The following ABCA13 variants were observed in gnomAD, a reference collection of about 807,000 sequenced individuals.
ABCA13 encodes the protein ATP binding cassette subfamily A member 13, also known as ATP-binding cassette sub-family A member 13.
A neutral mutation model predicts 478.7 loss-of-function variants in ABCA13; 476 were observed. That is an observed-to-expected ratio of 0.99 (90% confidence interval 0.92 to 1.07). The LOEUF (loss-of-function observed/expected upper bound fraction) is 1.07, where lower values mean the gene tolerates loss of function less well. Among genes scored for constraint, ABCA13 ranks in the 50% least tolerant of loss-of-function variants. The pLI, the probability that ABCA13 is intolerant of heterozygous loss-of-function variation, is 0.00. For synonymous variants in ABCA13, 2,252 were observed against 2,158.9 expected (o/e 1.04, Z -1.20); for missense variants, 6,060 against 5,910.6 (o/e 1.03, Z -0.83).
At chr7:48,601,202 G>C (rs983749301) in intron 58 of ABCA13, among the ~76,000 whole-genome samples, 3 of 151,612 alleles carry the variant, frequency 2.0e-5, no homozygotes, top group Admixed American at 1.3e-4. Flanking sequence ...TTACTAATGT[G>C]GTTGTCAGAC....
intron 57 of ABCA13, among the ~76,000 whole-genome samples, chr7:48,589,333 C>CCTAGCCAG (rs1251156162): frequency 1.1e-4 from 16 of 151,842 alleles, no homozygotes; most frequent in Non-Finnish European, 7.3e-5. Context: ...ATTTTAGAAA[C>CCTAGCCAG]ATCAGGGTTG....
chr7:48,421,897 C>A (rs1233261155), intron 41 of ABCA13, among the ~76,000 whole-genome samples: 1 of 151,766 alleles, frequency 6.6e-6, no homozygotes, highest in African/African-American at 2.4e-5. Context: ...CTTACTCATT[C>A]TTATGCTACC....
At chr7:48,258,835 A>C (rs1011278243) in intron 15 of ABCA13, among the ~76,000 whole-genome samples, 1 of 152,136 alleles carries the variant, frequency 6.6e-6, no homozygotes, top group Non-Finnish European at 1.5e-5. Context: ...TTTTCTAAGA[A>C]TTTTATATTT....
At chr7:48,370,364 C>T (rs1465760526) in intron 32 of ABCA13, among the ~76,000 whole-genome samples, 2 of 152,090 alleles carry the variant, frequency 1.3e-5, no homozygotes, top group South Asian at 2.1e-4. Context: ...TTCCTCTTTA[C>T]TGATTTGGAT....
At chr7:48,276,651 A>G in intron 17 of ABCA13, 86 bp downstream of exon 17, 11 of 1,106,492 alleles carry the variant, frequency 9.9e-6, no homozygotes, top group Non-Finnish European at 1.4e-5. Context: ...CATGTCAAAA[A>G]CAGTATTTGT....
In ABCA13 at chr7:48,276,505, C is replaced by T. The variant is rs1584576161; in HGVS notation, c.6839C>T (p.Ser2280Phe). ...TFFSLFLKED[S>F]ENKISLLLKY... The stretch of plus-strand genomic sequence containing the variant: ...TTCTCCCTTTTTCTAAAGGAAGATT[C>T]TGAGAACAAAATATCTCTTCTGCTG... The change falls in exon 17 of 62, where the codon TCT (serine) becomes TTT (phenylalanine). Residue 2280 changes from serine to phenylalanine, a missense_variant. Around this residue, in one of 3 missense-constraint regions of ABCA13, gnomAD observed 4,423 missense variants for 4,309.1 expected, o/e 1.03. Coordinates refer to ENST00000435803, the MANE Select transcript of ABCA13 (RefSeq NM_152701.5). 1 of 1,610,732 alleles carries T rather than the reference C, an allele frequency of 6.2e-7. No individual in the cohort carries two copies. The highest frequency in any genetic ancestry group is 1.7e-5 in the Admixed American group (1 of 59,398).
intron 3 of ABCA13, among the ~76,000 whole-genome samples, chr7:48,219,023 G>A (rs1786921871): frequency 6.6e-6 from 1 of 152,168 alleles, no homozygotes; most frequent in African/African-American, 2.4e-5. Context: ...ACTGTTCACT[G>A]ATGTATTTAT....
chr7:48,606,378 G>A (rs1383787982), intron 58 of ABCA13, among the ~76,000 whole-genome samples: 7 of 152,108 alleles, frequency 4.6e-5, no homozygotes, highest in Admixed American at 4.6e-4. Flanking sequence ...TTTGATGTTG[G>A]TGGCCTTCAG....
chr7:48,520,643 G>A (rs2130977577), intron 53 of ABCA13, among the ~76,000 whole-genome samples: 1 of 152,202 alleles, frequency 6.6e-6, no homozygotes, highest in African/African-American at 2.4e-5. Flanking sequence ...ATGTTGGTGT[G>A]CTGCACCCAT....
intron 43 of ABCA13, among the ~76,000 whole-genome samples, chr7:48,456,843 C>T (rs1284436021): frequency 1.3e-5 from 2 of 151,720 alleles, no homozygotes; most frequent in Non-Finnish European, 2.9e-5. Context: ...TGCTGTATAA[C>T]AATCTTTATT....
At chr7:48,262,114 A>G (rs182196052) in intron 15 of ABCA13, among the ~76,000 whole-genome samples, 18 of 152,094 alleles carry the variant, frequency 1.2e-4, no homozygotes, top group African/African-American at 3.6e-4. Flanking sequence ...ACAAAAAATG[A>G]GGTGATGAAA....
At chr7:48,310,244 A>C (rs1584774401) in intron 24 of ABCA13, 103 bp downstream of exon 24, 6 of 1,283,380 alleles carry the variant, frequency 4.7e-6, no homozygotes, top group East Asian at 2.3e-5. Flanking sequence ...GGAGATCAGC[A>C]CCTGGCCACT....
At chr7:48,299,290 A>G (rs1799822180) in intron 23 of ABCA13, among the ~76,000 whole-genome samples, 1 of 152,196 alleles carries the variant, frequency 6.6e-6, no homozygotes, top group Non-Finnish European at 1.5e-5. Flanking sequence ...GTTTAATATC[A>G]TGTCAATTCT....
At chr7:48,551,405 A>G (rs2131196425) in intron 55 of ABCA13, among the ~76,000 whole-genome samples, 1 of 151,932 alleles carries the variant, frequency 6.6e-6, no homozygotes, top group Middle Eastern at 3.4e-3. Context: ...ATCCCATGTG[A>G]TTATGTTGTA....
intron 41 of ABCA13, among the ~76,000 whole-genome samples, chr7:48,419,375 T>C (rs1055836438): frequency 3.3e-5 from 5 of 152,242 alleles, no homozygotes; most frequent in Non-Finnish European, 5.9e-5. Context: ...CTTCCTCCTC[T>C]TTGCCCTCTT....
In ABCA13 at chr7:48,279,051, T is replaced by C; in HGVS notation, c.7857T>C (p.Pro2619=). The C allele has an allele frequency of 6.2e-7, 1 of 1,613,156 alleles. No homozygotes were observed. Residue 2619 remains proline, a synonymous_variant, in exon 18 of 62, where the codon CCT becomes CCC. Coordinates refer to ENST00000435803, the MANE Select transcript of ABCA13 (RefSeq NM_152701.5). ...SSNSDIFSMS[P]SILSYMNQSK... is the part of the protein sequence containing the mutation. ...ACTCTGATATTTTCAGTATGTCACC[T>C]AGCATACTCTCATATATGAACCAAT... is the stretch of plus-strand genomic sequence containing the variant.
At chr7:48,539,546 T>C (rs1199525253) in intron 55 of ABCA13, among the ~76,000 whole-genome samples, 1 of 152,194 alleles carries the variant, frequency 6.6e-6, no homozygotes, top group East Asian at 1.9e-4. Flanking sequence ...GGTTTTCAGC[T>C]GTCCTCAGAA....
intron 31 of ABCA13, among the ~76,000 whole-genome samples, chr7:48,357,291 A>G (rs1292739998): frequency 6.6e-6 from 1 of 151,772 alleles, no homozygotes; most frequent in Non-Finnish European, 1.5e-5. Context: ...TCTCTCTTCC[A>G]TTTAGTCAAT....
chr7:48,629,766 C>T (rs1023810171), intron 59 of ABCA13, among the ~76,000 whole-genome samples: 1 of 151,974 alleles, frequency 6.6e-6, no homozygotes, highest in Admixed American at 6.6e-5. Flanking sequence ...CCAAACTGCA[C>T]AAGGATGAAC....
Sources: gnomAD v4.1 joint callset for allele counts (sites outside exome capture counted in the v4.1 genomes callset) on GRCh38, gnomAD v4.1.1 for gene constraint, gnomAD v4.1.1 regional missense constraint, MANE v1.5 for transcripts, NCBI Gene and HGNC (gene_info 2026-07-23, HGNC 2026-07-21) for gene names.